The following E2F3 variants were observed in gnomAD, a reference collection of about 807,000 sequenced individuals.
E2F3 encodes transcription factor E2F3.
E2F3 carries 11 observed loss-of-function variants against 44.4 expected under a neutral mutation model. The ratio of observed to expected loss-of-function variants is 0.25; its 90% CI spans 0.16 to 0.41. The LOEUF is 0.41. Among genes scored for constraint, E2F3 ranks in the 10% least tolerant of loss-of-function variants. The pLI is 1.00. For missense variants in E2F3, 487 were observed against 583.6 expected (o/e 0.83, Z 1.70); for synonymous variants, 249 against 253.0 (o/e 0.98, Z 0.15).
rs377275235 is a variant in E2F3 at position 20,435,073 on chromosome 6, AGAATATTTTAT to A, written c.393+32450_393+32460del. 5.1e-3 allele frequency among the ~76,000 whole-genome samples: 776 copies of A among 152,332 alleles called. 1 individual carries two copies. The highest frequency in any genetic ancestry group is 0.018 in the African/African-American group (734 of 41,558). On this transcript the variant is annotated intron_variant, in intron 1 of 6. Coordinates refer to ENST00000346618, the MANE Select transcript of E2F3 (RefSeq NM_001949.5). The stretch of plus-strand genomic sequence containing the variant: ...AAGTGAGGTCCTGCTGGATTATTTA[AGAATATTTTAT>A]GGTGAGTTGTATTTGTTCTTTCCAG...
At chr6:20,464,448 G>A (rs1761635014) in intron 1 of E2F3, among the ~76,000 whole-genome samples, 1 of 152,114 alleles carries the variant, frequency 6.6e-6, no homozygotes, top group South Asian at 2.1e-4. Flanking sequence ...ACTCTTCTGG[G>A]CACTGCCATC....
intron 6 of E2F3, among the ~76,000 whole-genome samples, chr6:20,488,715 G>T (rs1277218317): frequency 1.3e-5 from 2 of 152,200 alleles, no homozygotes; most frequent in Admixed American, 6.5e-5. Flanking sequence ...AGTAAGTCTT[G>T]CCGGGTGCGG....
intron 1 of E2F3, among the ~76,000 whole-genome samples, chr6:20,431,376 C>T: frequency 6.6e-6 from 1 of 152,232 alleles, no homozygotes; most frequent in Non-Finnish European, 1.5e-5. Context: ...TCCCACCTCG[C>T]ATCCCATGGC....
chr6:20,450,233 A>T (rs1254157854), intron 1 of E2F3, among the ~76,000 whole-genome samples: 2 of 152,146 alleles, frequency 1.3e-5, no homozygotes, highest in Non-Finnish European at 2.9e-5. Flanking sequence ...ACTAATTTAT[A>T]CTTCCACCAA....
chr6:20,481,159 A>G, intron 2 of E2F3, 47 bp from the exon 3 acceptor site: 1 of 1,567,520 alleles, frequency 6.4e-7, no homozygotes, highest in Non-Finnish European at 8.8e-7. Flanking sequence ...TCATTTCTTT[A>G]CCTTTCCCCC....
chr6:20,410,645 G>C (rs1759640948), intron 1 of E2F3, among the ~76,000 whole-genome samples: 1 of 152,146 alleles, frequency 6.6e-6, no homozygotes, highest in Non-Finnish European at 1.5e-5. Context: ...TTGAGACCAA[G>C]TCTTGTTCCG....
At chr6:20,455,013 T>A (rs952066874) in intron 1 of E2F3, among the ~76,000 whole-genome samples, 2 of 152,108 alleles carry the variant, frequency 1.3e-5, no homozygotes, top group African/African-American at 4.8e-5. Flanking sequence ...CCGATGACAA[T>A]GTATATCGAA....
At chr6:20,450,646 A>G (rs1436473947) in intron 1 of E2F3, among the ~76,000 whole-genome samples, 1 of 151,930 alleles carries the variant, frequency 6.6e-6, no homozygotes, top group Admixed American at 6.6e-5. Flanking sequence ...CCCATTTGTC[A>G]ATTTTTGCTT....
At chr6:20,447,627 A>G (rs1362586464) in intron 1 of E2F3, among the ~76,000 whole-genome samples, 1 of 151,894 alleles carries the variant, frequency 6.6e-6, no homozygotes, top group South Asian at 2.1e-4. Context: ...TTTTTATATT[A>G]TGTCGTCTGG....
chr6:20,475,364 C>T (rs993252683), intron 1 of E2F3, among the ~76,000 whole-genome samples: 5 of 152,178 alleles, frequency 3.3e-5, no homozygotes, highest in Admixed American at 2.0e-4. Context: ...TGCCTCATGG[C>T]AGTCTGAAAC....
At chr6:20,477,561 T>C (rs548177571) in intron 1 of E2F3, among the ~76,000 whole-genome samples, 1 of 152,252 alleles carries the variant, frequency 6.6e-6, no homozygotes, top group South Asian at 2.1e-4. Flanking sequence ...CTTTAAGGTG[T>C]ATCAGAATCA....
intron 1 of E2F3, among the ~76,000 whole-genome samples, chr6:20,435,680 G>A (rs1760550395): frequency 6.6e-6 from 1 of 152,150 alleles, no homozygotes; most frequent in Admixed American, 6.5e-5. Context: ...GAATTCGGGA[G>A]GTGGAGGTTG....
chr6:20,488,990 T>G lies in E2F3; in HGVS notation c.1135+742T>G, dbSNP rs150085941. ...CCTGGTGACAGAGTGAGACTCCATC[T>G]CAAAAAAAGAAAAGAAAAGAAAAGA... On this transcript the variant is annotated intron_variant, in intron 6 of 6. Coordinates refer to ENST00000346618, the MANE Select transcript of E2F3 (RefSeq NM_001949.5). Among the ~76,000 whole-genome samples, 145 of 150,730 alleles carry G rather than the reference T, an allele frequency of 9.6e-4. 2 individuals are homozygous for G. The East Asian group carries it at 0.022, about 23-fold the overall frequency.
chr6:20,490,405 T>A lies in E2F3; in HGVS notation c.1373T>A (p.Leu458Gln). ...GCTTACGATTTGGAAAAGCTCCCAC[T>A]GGTGGAAGACTTCATGTGTAGTTGA... Reference protein sequence around the residue: ...FDAYDLEKLPLVEDFMCS With the variant: ...FDAYDLEKLPQVEDFMCS The change falls in exon 7 of 7, where the codon CTG (leucine) becomes CAG (glutamine). Residue 458 changes from leucine (L) to glutamine (Q), a missense_variant. By Grantham distance (113) the Leu-to-Gln change is moderately radical. Coordinates refer to ENST00000346618, the MANE Select transcript of E2F3 (RefSeq NM_001949.5). The surrounding 1 kb of genome is among the most constrained non-coding windows in gnomAD (Gnocchi z 4.3). 1 of 1,597,500 alleles carries A rather than the reference T, an allele frequency of 6.3e-7. No individual in the cohort carries two copies. The highest frequency in any genetic ancestry group is 8.5e-7 in the Non-Finnish European group (1 of 1,171,324).
rs1759314644 is a variant in E2F3, at chr6:20,401,884, T to C, written c.-349T>C. 1 of 358,320 alleles carries C rather than the reference T, an allele frequency of 2.8e-6. No homozygotes were observed. Among genetic ancestry groups the C allele is most frequent in the East Asian group, 4.9e-5 (1 of 20,306 alleles). 22.2% of individuals were successfully genotyped at this position (358,320 alleles called of 1,614,324 possible). The stretch of plus-strand genomic sequence containing the variant: ...CGCGTAAACCGTATCCCTTCATTCA[T>C]TGTCAGCAGCAGCTTCCTGGAGCCA... On this transcript the variant is annotated 5_prime_UTR_variant, in exon 1 of 7. Transcript: ENST00000346618.
At chr6:20,424,702 ACT>A (rs916047263) in intron 1 of E2F3, among the ~76,000 whole-genome samples, 44 of 151,454 alleles carry the variant, frequency 2.9e-4, no homozygotes, top group African/African-American at 1.0e-3. Context: ...AAGAAAAAAA[ACT>A]CTCTGCACTT....
rs1759384330 is a variant in E2F3 at position 20,403,594 on chromosome 6, A to T, written c.393+969A>T. ...AGGCGGCGGCGGGAGGGGGCGCTGG[A>T]GGGGGAGAGGGGGGCACCCACTTCC... On this transcript the variant is annotated intron_variant, in intron 1 of 6. Coordinates refer to ENST00000346618, the MANE Select transcript of E2F3 (RefSeq NM_001949.5). 2.4e-5 allele frequency: 11 copies of T among 456,648 alleles called. 1 individual carries two copies. The South Asian group carries it at 3.7e-4, about 15-fold the overall frequency. The allele number at this position is 456,648 out of a possible 1,614,324, so 28.3% of individuals were successfully genotyped here. A position where few individuals can be genotyped will look rare whatever the true frequency, so the allele number is the denominator to read the frequency against.
intron 3 of E2F3, among the ~76,000 whole-genome samples, 157 bp from the exon 4 acceptor site, chr6:20,482,599 AATATAT>A (rs148425868): frequency 7.4e-6 from 1 of 134,484 alleles, no homozygotes; most frequent in African/African-American, 2.6e-5. Flanking sequence ...TGAAAAAAAA[AATATAT>A]ATATATATAT....
At chr6:20,470,406 A>G (rs1003186155) in intron 1 of E2F3, among the ~76,000 whole-genome samples, 1 of 152,220 alleles carries the variant, frequency 6.6e-6, no homozygotes, top group African/African-American at 2.4e-5. Context: ...TTCAAAAATG[A>G]TGAGCCAGAT....
Sources: allele counts gnomAD v4.1 joint callset (sites outside exome capture counted in the v4.1 genomes callset), GRCh38; gene constraint gnomAD v4.1.1; non-coding constraint Gnocchi (gnomAD v3.1); transcripts MANE v1.5; gene names NCBI Gene and HGNC (gene_info 2026-07-23, HGNC 2026-07-21).